The following DNM3 variants were observed in gnomAD, a reference collection of about 807,000 sequenced individuals.
DNM3 encodes dynamin-3.
DNM3 carries 47 observed loss-of-function variants against 101.6 expected under a neutral mutation model. That is an observed-to-expected ratio of 0.46 (90% CI 0.37 to 0.59). The LOEUF (loss-of-function observed/expected upper bound fraction) is 0.59. Ranked by LOEUF, DNM3 falls within the 20% of genes least tolerant of loss-of-function variation. The pLI, the probability that DNM3 is intolerant of heterozygous loss-of-function variation, is 0.00. For synonymous variants in DNM3, 385 were observed against 387.9 expected, an observed-to-expected ratio of 0.99 and a Z score of 0.09; for missense variants, 849 against 1,085.7, an observed-to-expected ratio of 0.78 and a Z score of 3.06.
intron 16 of DNM3, among the ~76,000 whole-genome samples, chr1:172,317,435 T>C (rs545538997): frequency 1.3e-4 from 20 of 152,090 alleles, no homozygotes; most frequent in Non-Finnish European, 2.9e-4. Flanking sequence ...CTTCAAAAAA[T>C]TAATGAATCC....
intron 13 of DNM3, among the ~76,000 whole-genome samples, chr1:172,102,694 G>A (rs1181755483): frequency 6.6e-6 from 1 of 152,058 alleles, no homozygotes; most frequent in African/African-American, 2.4e-5. Flanking sequence ...AAGAACAACT[G>A]GTGAAACAAA....
chr1:172,274,739 T>TTTTA, intron 15 of DNM3, among the ~76,000 whole-genome samples: 1 of 148,452 alleles, frequency 6.7e-6, no homozygotes, highest in Admixed American at 6.7e-5. Flanking sequence ...TTTTTTTTTT[T>TTTTA]AATTTTCAAT....
At chr1:172,316,424 A>G (rs541486428) in intron 16 of DNM3, among the ~76,000 whole-genome samples, 2 of 152,346 alleles carry the variant, frequency 1.3e-5, no homozygotes, top group Admixed American at 6.5e-5. Flanking sequence ...AAATATCCCA[A>G]TTAAAAGACA....
At chr1:172,367,337 A>C (rs2068074801) in intron 17 of DNM3, among the ~76,000 whole-genome samples, 2 of 151,918 alleles carry the variant, frequency 1.3e-5, no homozygotes, top group African/African-American at 2.4e-5. Flanking sequence ...CTAGACCAGC[A>C]TTACAAAAAT....
intron 9 of DNM3, among the ~76,000 whole-genome samples, chr1:172,048,113 T>C (rs1403845491): frequency 6.6e-6 from 1 of 152,226 alleles, no homozygotes; most frequent in Non-Finnish European, 1.5e-5. Context: ...TCATTTGTTA[T>C]TTTTATAAAT....
chr1:171,858,942 T>G (rs1429201346), intron 1 of DNM3, among the ~76,000 whole-genome samples: 1 of 152,200 alleles, frequency 6.6e-6, no homozygotes, highest in African/African-American at 2.4e-5. Context: ...AACAATAGAC[T>G]CATAATACTT....
At chr1:172,258,300 A>G (rs146299496) in intron 15 of DNM3, among the ~76,000 whole-genome samples, 7 of 152,200 alleles carry the variant, frequency 4.6e-5, no homozygotes, top group African/African-American at 1.7e-4. Context: ...CTGAATACCC[A>G]GTAACGAAGT....
chr1:172,107,073 G>A (rs1475939083), intron 13 of DNM3, among the ~76,000 whole-genome samples: 4 of 149,478 alleles, frequency 2.7e-5, no homozygotes, highest in Admixed American at 2.0e-4. Context: ...TGTTAGCCAG[G>A]ATGGTCTCGA....
At chr1:172,047,376 A>G (rs551328473) in intron 9 of DNM3, among the ~76,000 whole-genome samples, 4 of 152,294 alleles carry the variant, frequency 2.6e-5, no homozygotes, top group East Asian at 3.9e-4. Flanking sequence ...GACTGGAACT[A>G]TAAGTGCTTG....
intron 15 of DNM3, among the ~76,000 whole-genome samples, chr1:172,270,933 C>T (rs913901601): frequency 6.6e-6 from 1 of 152,164 alleles, no homozygotes; most frequent in African/African-American, 2.4e-5. Context: ...GTTAAATCCA[C>T]ACCTCACTGA....
intron 14 of DNM3, among the ~76,000 whole-genome samples, chr1:172,167,702 T>C (rs2058801299): frequency 6.6e-6 from 1 of 151,980 alleles, no homozygotes; most frequent in Admixed American, 6.6e-5. Context: ...ACAAAGGAAA[T>C]CTCATTTTTT....
chr1:172,134,232 T>A (rs1008367195), intron 14 of DNM3, among the ~76,000 whole-genome samples: 1 of 152,166 alleles, frequency 6.6e-6, no homozygotes, highest in African/African-American at 2.4e-5. Context: ...CTAGCTTCTG[T>A]TACTCATTCA....
intron 1 of DNM3, among the ~76,000 whole-genome samples, chr1:171,857,824 A>T (rs1324995034): frequency 6.6e-6 from 1 of 152,130 alleles, no homozygotes; most frequent in Non-Finnish European, 1.5e-5. Context: ...GATAGGGCCA[A>T]TTAGGAGGTA....
chr1:172,073,956 C>A (rs926990845), intron 11 of DNM3, among the ~76,000 whole-genome samples: 1 of 152,136 alleles, frequency 6.6e-6, no homozygotes, highest in African/African-American at 2.4e-5. Flanking sequence ...CCATTGAATA[C>A]TATTTTTCAC....
At chr1:172,325,290 C>T (rs2065895030) in intron 17 of DNM3, among the ~76,000 whole-genome samples, 1 of 152,160 alleles carries the variant, frequency 6.6e-6, no homozygotes, top group African/African-American at 2.4e-5. Flanking sequence ...AACGCTTGCG[C>T]ATGTGCTATG....
intron 15 of DNM3, 23 bp from the exon 16 acceptor site, chr1:172,308,705 A>ATT (rs200321314): frequency 1.1e-4 from 132 of 1,212,746 alleles, no homozygotes; most frequent in South Asian, 2.8e-4. Context: ...TAAAAGCATG[A>ATT]TTTTTTTTTT....
intron 14 of DNM3, among the ~76,000 whole-genome samples, chr1:172,149,827 T>G: frequency 6.6e-6 from 1 of 152,250 alleles, no homozygotes; most frequent in African/African-American, 2.4e-5. Context: ...AAACTACTTT[T>G]TTTTTTGCAG....
intron 2 of DNM3, among the ~76,000 whole-genome samples, chr1:171,984,657 T>G (rs1365957335): frequency 2.6e-5 from 4 of 152,102 alleles, no homozygotes; most frequent in Non-Finnish European, 4.4e-5. Flanking sequence ...GCACTTAGCA[T>G]CACACACACA....
At chr1:172,144,757 A>C in intron 14 of DNM3, 3 of 343,952 alleles carry the variant, frequency 8.7e-6, no homozygotes, top group South Asian at 7.2e-5. Flanking sequence ...GACACACTCA[A>C]GGGCTGTGAT....
Sources: gnomAD v4.1 joint callset for allele counts (sites outside exome capture counted in the v4.1 genomes callset) on GRCh38, gnomAD v4.1.1 for gene constraint, MANE v1.5 for transcripts, NCBI Gene and HGNC (gene_info 2026-07-23, HGNC 2026-07-21) for gene names.